Variants in MTHFD2L observed in about 807,000 individuals in gnomAD.
MTHFD2L encodes the protein methylenetetrahydrofolate dehydrogenase (NADP+ dependent) 2 like, also known as bifunctional methylenetetrahydrofolate dehydrogenase/cyclohydrolase 2, mitochondrial.
MTHFD2L carries 29 observed loss-of-function variants against 34.9 expected under a neutral mutation model. The ratio of observed to expected loss-of-function variants is 0.83; its 90% CI spans 0.62 to 1.13. MTHFD2L has a LOEUF of 1.13. MTHFD2L is among the 50% of genes most tolerant of loss of function. MTHFD2L has a pLI of 0.00. For missense variants in MTHFD2L, 481 were observed against 446.5 expected (o/e 1.08, Z -0.70); for synonymous variants, 167 against 155.7 (o/e 1.07, Z -0.54).
chr4:74,189,944 ATCAT>A (rs1732174883), intron 3 of MTHFD2L, among the ~76,000 whole-genome samples: 3 of 152,094 alleles, frequency 2.0e-5, no homozygotes, highest in Admixed American at 6.5e-5. Flanking sequence ...TCTGACCCTC[ATCAT>A]TCATTTACCA....
chr4:74,257,057 G>A (rs1446470448), intron 6 of MTHFD2L, among the ~76,000 whole-genome samples: 4 of 152,040 alleles, frequency 2.6e-5, no homozygotes, highest in Non-Finnish European at 1.5e-5. Flanking sequence ...AGGCAGTATG[G>A]CCCTTTTAAT....
intron 1 of MTHFD2L, among the ~76,000 whole-genome samples, chr4:74,130,386 A>G (rs1258634172): frequency 6.6e-6 from 1 of 152,180 alleles, no homozygotes; most frequent in Non-Finnish European, 1.5e-5. Flanking sequence ...AAGCTTATCC[A>G]CCATGATCAT....
At chr4:74,123,705 T>G (rs1721876603), upstream of MTHFD2L, among the ~76,000 whole-genome samples, 1 of 152,096 alleles carries the variant, frequency 6.6e-6, no homozygotes, top group African/African-American at 2.4e-5. Context: ...TTAGGGGATT[T>G]TTATGGGCCC....
intron 6 of MTHFD2L, among the ~76,000 whole-genome samples, chr4:74,260,676 C>T (rs563583428): frequency 7.2e-5 from 11 of 151,886 alleles, no homozygotes; most frequent in Admixed American, 4.6e-4. Context: ...GGAGGAGGAA[C>T]AGAAACATTA....
chr4:74,199,712 G>A (rs1247892370), intron 3 of MTHFD2L, 82 bp from the exon 4 acceptor site: 3 of 1,183,076 alleles, frequency 2.5e-6, no homozygotes, highest in Non-Finnish European at 3.5e-6. Flanking sequence ...AAGTGATGTG[G>A]CTTTAGATTC....
intron 5 of MTHFD2L, among the ~76,000 whole-genome samples, chr4:74,218,517 G>T (rs1329356262): frequency 6.6e-6 from 1 of 152,002 alleles, no homozygotes; most frequent in Non-Finnish European, 1.5e-5. Context: ...CTGTTTAAGG[G>T]ATTTATAGGA....
intron 7 of MTHFD2L, among the ~76,000 whole-genome samples, chr4:74,285,837 A>G (rs999368279): frequency 2.6e-5 from 4 of 152,126 alleles, no homozygotes; most frequent in African/African-American, 9.7e-5. Flanking sequence ...GTGATCATAT[A>G]GTTCAAATTC....
At chr4:74,283,771 A>G (rs746827745) in intron 7 of MTHFD2L, among the ~76,000 whole-genome samples, 1 of 152,094 alleles carries the variant, frequency 6.6e-6, no homozygotes, top group East Asian at 1.9e-4. Context: ...AAGAGTACTA[A>G]TGAGGACCTG....
At chr4:74,163,399 A>G (rs1359167924) in intron 1 of MTHFD2L, among the ~76,000 whole-genome samples, 1 of 152,264 alleles carries the variant, frequency 6.6e-6, no homozygotes, top group African/African-American at 2.4e-5. Context: ...TTTGTGGCAC[A>G]AAGCTTAGCA....
chr4:74,285,493 G>T (rs1189360827), intron 7 of MTHFD2L, among the ~76,000 whole-genome samples: 1 of 151,650 alleles, frequency 6.6e-6, no homozygotes, highest in Non-Finnish European at 1.5e-5. Context: ...AATTGCATTC[G>T]TTTTTTTAAA....
At chr4:74,283,533 G>T (rs1388060641) in intron 7 of MTHFD2L, among the ~76,000 whole-genome samples, 1 of 152,072 alleles carries the variant, frequency 6.6e-6, no homozygotes, top group Non-Finnish European at 1.5e-5. Flanking sequence ...CTATAGTTTT[G>T]CCACCTCACT....
At chr4:74,145,092 T>C (rs561081284) in intron 1 of MTHFD2L, among the ~76,000 whole-genome samples, 4 of 151,994 alleles carry the variant, frequency 2.6e-5, no homozygotes, top group Non-Finnish European at 5.9e-5. Context: ...TAGAGAAAGA[T>C]TGCTTCAACA....
At chr4:74,249,473 C>G (rs555222222) in intron 6 of MTHFD2L, among the ~76,000 whole-genome samples, 1 of 152,214 alleles carries the variant, frequency 6.6e-6, no homozygotes, top group South Asian at 2.1e-4. Flanking sequence ...AGCATTTAGT[C>G]CATTTACATT....
chr4:74,281,521 C>A lies in MTHFD2L; in HGVS notation c.902C>A (p.Thr301Lys). Residue 301 changes from threonine to lysine, a missense_variant, in exon 7 of 8, where the codon ACA (threonine) becomes AAA (lysine). Transcript: ENST00000325278. ...NYVHDPVTGK[T>K]KLVGDVDFEA... ...GTCCACGATCCAGTGACAGGAAAGA[C>A]AAAATTAGTTGGAGATGTGGACTTC... 2 of 1,612,258 alleles carry A rather than the reference C, an allele frequency of 1.2e-6. No homozygotes were observed. Among genetic ancestry groups the A allele is most frequent in the Non-Finnish European group, 1.7e-6 (2 of 1,179,006 alleles).
chr4:74,230,767 C>T (rs2110137870), intron 6 of MTHFD2L, among the ~76,000 whole-genome samples: 1 of 152,116 alleles, frequency 6.6e-6, no homozygotes, highest in East Asian at 1.9e-4. Flanking sequence ...GGAAAGCTAG[C>T]CAGTATCAAT....
intron 2 of MTHFD2L, among the ~76,000 whole-genome samples, chr4:74,115,424 A>G (rs533684187): frequency 6.6e-6 from 1 of 152,238 alleles, no homozygotes; most frequent in Non-Finnish European, 1.5e-5. Flanking sequence ...TACAAGTATG[A>G]CAGCCTCCCA....
intron 3 of MTHFD2L, among the ~76,000 whole-genome samples, chr4:74,191,863 T>C (rs1732594213): frequency 6.6e-6 from 1 of 152,170 alleles, no homozygotes; most frequent in African/African-American, 2.4e-5. Flanking sequence ...GACCTCTTTG[T>C]ATTTTTAAAA....
intron 1 of MTHFD2L, among the ~76,000 whole-genome samples, chr4:74,167,020 A>G (rs551899672): frequency 6.6e-5 from 10 of 150,416 alleles, no homozygotes; most frequent in African/African-American, 2.4e-4. Flanking sequence ...CAGGCTCAAG[A>G]CCTACCCCAG....
intron 6 of MTHFD2L, among the ~76,000 whole-genome samples, chr4:74,249,080 G>A (rs896904831): frequency 3.9e-5 from 6 of 152,118 alleles, no homozygotes; most frequent in African/African-American, 1.4e-4. Flanking sequence ...TAACAGTGGG[G>A]TGTTAAAGTC....
Sources: gnomAD v4.1 joint callset for allele counts (sites outside exome capture counted in the v4.1 genomes callset) on GRCh38, gnomAD v4.1.1 for gene constraint, MANE v1.5 for transcripts, NCBI Gene and HGNC (gene_info 2026-07-23, HGNC 2026-07-21) for gene names.